Variants in CNTNAP2 observed in about 807,000 individuals in gnomAD.
CNTNAP2 encodes the protein contactin associated protein 2, also known as contactin-associated protein-like 2.
CNTNAP2 carries 98 observed loss-of-function variants against 155.2 expected under a neutral mutation model. The ratio of observed to expected loss-of-function variants is 0.63; its 90% CI spans 0.54 to 0.75. The LOEUF (loss-of-function observed/expected upper bound fraction) is 0.75. Among genes scored for constraint, CNTNAP2 ranks in the 30% least tolerant of loss-of-function variants. CNTNAP2 has a pLI of 0.00. For missense variants in CNTNAP2, 1,727 were observed against 1,688.1 expected (o/e 1.02, Z -0.40); for synonymous variants, 651 against 631.2 (o/e 1.03, Z -0.47).
rs556034918 is a variant in CNTNAP2 at position 148,198,109 on chromosome 7, G to A, written c.3011-19179G>A. Among the ~76,000 whole-genome samples, 5 of 152,316 alleles carry A rather than the reference G, an allele frequency of 3.3e-5. No individual in the cohort carries two copies. The South Asian group carries it at 1.0e-3, about 32-fold the overall frequency. Reference sequence around the variant, plus strand: ...AAGGGAACGATGTCAGGCAGGCTGAGAAGCCTGAGGGTGGCTGGTTCCAAA... The same window carrying A: ...AAGGGAACGATGTCAGGCAGGCTGAAAAGCCTGAGGGTGGCTGGTTCCAAA... On this transcript the variant is annotated intron_variant, in intron 18 of 23. Transcript: ENST00000361727.
At chr7:148,062,264 A>G (rs1463124471) in intron 15 of CNTNAP2, among the ~76,000 whole-genome samples, 2 of 152,164 alleles carry the variant, frequency 1.3e-5, no homozygotes, top group Non-Finnish European at 2.9e-5. Context: ...CTATAATAGC[A>G]GGTAACAAAG....
At chr7:147,699,564 C>T (rs912566051) in intron 13 of CNTNAP2, among the ~76,000 whole-genome samples, 4 of 151,604 alleles carry the variant, frequency 2.6e-5, no homozygotes, top group Non-Finnish European at 4.4e-5. Flanking sequence ...CAAACCTGCA[C>T]GTTCTGCACA....
At chr7:148,191,281 C>T (rs1035185757) in intron 18 of CNTNAP2, among the ~76,000 whole-genome samples, 3 of 151,994 alleles carry the variant, frequency 2.0e-5, no homozygotes, top group Non-Finnish European at 4.4e-5. Flanking sequence ...TCTCCCTCTC[C>T]TCTTTCCTCT....
intron 4 of CNTNAP2, among the ~76,000 whole-genome samples, chr7:147,064,367 G>C (rs1799740204): frequency 6.6e-6 from 1 of 152,154 alleles, no homozygotes; most frequent in Admixed American, 6.5e-5. Flanking sequence ...GTATATTGCT[G>C]TTAAGTGCAT....
chr7:148,335,892 A>T (rs985081656), intron 21 of CNTNAP2, among the ~76,000 whole-genome samples: 2 of 152,122 alleles, frequency 1.3e-5, no homozygotes, highest in African/African-American at 4.8e-5. Flanking sequence ...ATTAGTGCTC[A>T]GTTCTCCTGG....
At chr7:147,292,098 T>G (rs1183063474) in intron 8 of CNTNAP2, among the ~76,000 whole-genome samples, 6 of 152,190 alleles carry the variant, frequency 3.9e-5, no homozygotes, top group Non-Finnish European at 2.9e-5. Flanking sequence ...TTGATGGATC[T>G]CAAATTATCA....
At chr7:147,056,368 T>C (rs1799560836) in intron 4 of CNTNAP2, among the ~76,000 whole-genome samples, 1 of 152,126 alleles carries the variant, frequency 6.6e-6, no homozygotes, top group South Asian at 2.1e-4. Flanking sequence ...AAATGTTTTA[T>C]TAAGGGAAAA....
chr7:147,513,122 TC>T (rs1173548696), intron 11 of CNTNAP2, among the ~76,000 whole-genome samples: 2 of 152,168 alleles, frequency 1.3e-5, no homozygotes, highest in East Asian at 1.9e-4. Flanking sequence ...ATAAATTGTT[TC>T]AGTTGAAATC....
At chr7:146,229,185 T>A (rs1384113410) in intron 1 of CNTNAP2, among the ~76,000 whole-genome samples, 4 of 152,168 alleles carry the variant, frequency 2.6e-5, no homozygotes, top group African/African-American at 7.2e-5. Context: ...ATCGGGTCAC[T>A]TTTTCCCCTT....
chr7:147,258,126 C>T (rs1414713804), intron 8 of CNTNAP2, among the ~76,000 whole-genome samples: 2 of 152,068 alleles, frequency 1.3e-5, no homozygotes, highest in Non-Finnish European at 2.9e-5. Context: ...GAAATGCAAC[C>T]CTGTTGGTGA....
At chr7:146,715,348 C>G (rs771515794) in intron 1 of CNTNAP2, among the ~76,000 whole-genome samples, 1 of 152,038 alleles carries the variant, frequency 6.6e-6, no homozygotes, top group Non-Finnish European at 1.5e-5. Context: ...AACAAACAAA[C>G]AAAACTCTAT....
At chr7:147,389,890 C>A (rs1219353054) in intron 9 of CNTNAP2, among the ~76,000 whole-genome samples, 4 of 152,160 alleles carry the variant, frequency 2.6e-5, no homozygotes, top group Non-Finnish European at 5.9e-5. Flanking sequence ...ACTAACTTGA[C>A]AATTCGTTAC....
At chr7:148,413,387 C>A (rs1249915191) in intron 23 of CNTNAP2, among the ~76,000 whole-genome samples, 1 of 24,056 alleles carries the variant, frequency 4.2e-5, no homozygotes, top group Non-Finnish European at 7.9e-5. Flanking sequence ...AGTGAAACTC[C>A]GTCTCAAAAA....
chr7:147,563,204 C>G (rs540299796), intron 12 of CNTNAP2, among the ~76,000 whole-genome samples: 11 of 152,220 alleles, frequency 7.2e-5, no homozygotes, highest in Admixed American at 3.9e-4. Context: ...TGAGAATACC[C>G]ACCTCATAGC....
intron 13 of CNTNAP2, among the ~76,000 whole-genome samples, chr7:147,805,018 CT>C (rs1252610035): frequency 6.6e-6 from 1 of 152,096 alleles, no homozygotes; most frequent in Non-Finnish European, 1.5e-5. Flanking sequence ...GGAATCTCCT[CT>C]TGTTTCTGCT....
chr7:147,701,170 T>G (rs973219665), intron 13 of CNTNAP2, among the ~76,000 whole-genome samples: 1 of 152,202 alleles, frequency 6.6e-6, no homozygotes, highest in Admixed American at 6.5e-5. Context: ...TCATTTAAGC[T>G]TAGACATTTT....
At chr7:147,140,623 A>C (rs1801572606) in intron 8 of CNTNAP2, among the ~76,000 whole-genome samples, 1 of 152,054 alleles carries the variant, frequency 6.6e-6, no homozygotes, top group Admixed American at 6.6e-5. Context: ...CTTGGAATGC[A>C]AATCTAACAT....
intron 15 of CNTNAP2, among the ~76,000 whole-genome samples, chr7:148,106,809 A>C (rs1482063137): frequency 1.3e-5 from 2 of 152,286 alleles, no homozygotes; most frequent in East Asian, 3.9e-4. Flanking sequence ...GGTGTAAAAG[A>C]TTCAGTCTTG....
chr7:147,647,281 G>T (rs527412199), intron 13 of CNTNAP2, among the ~76,000 whole-genome samples: 193 of 151,712 alleles, frequency 1.3e-3, no homozygotes, highest in African/African-American at 4.2e-3. Flanking sequence ...GATTACAGGC[G>T]TGAGCCACCG....
Sources: allele counts gnomAD v4.1 joint callset (sites outside exome capture counted in the v4.1 genomes callset), GRCh38; gene constraint gnomAD v4.1.1; transcripts MANE v1.5; gene names NCBI Gene and HGNC (gene_info 2026-07-23, HGNC 2026-07-21).